The following FARS2 variants were observed in gnomAD, a reference collection of about 807,000 sequenced individuals.
FARS2 encodes phenylalanine--tRNA ligase, mitochondrial.
A neutral mutation model predicts 46.4 loss-of-function variants in FARS2; 40 were observed. That is an observed-to-expected ratio of 0.86 (90% CI 0.67 to 1.12). The LOEUF (loss-of-function observed/expected upper bound fraction) is 1.12, where lower values mean the gene tolerates loss of function less well. Among genes scored for constraint, FARS2 ranks in the 50% most tolerant of loss-of-function variants. The pLI, the probability that FARS2 is intolerant of heterozygous loss-of-function variation, is 0.00. For missense variants in FARS2, 513 were observed against 567.9 expected, an observed-to-expected ratio of 0.90 and a Z score of 0.98; for synonymous variants, 234 against 214.9, an observed-to-expected ratio of 1.09 and a Z score of -0.78.
At chr6:5,511,380 C>T (rs374592633) in intron 4 of FARS2, among the ~76,000 whole-genome samples, 2 of 152,158 alleles carry the variant, frequency 1.3e-5, no homozygotes, top group Admixed American at 1.3e-4. Flanking sequence ...TCATTATGTT[C>T]GTATTAATAC....
intron 6 of FARS2, among the ~76,000 whole-genome samples, chr6:5,723,446 G>A (rs1022533577): frequency 3.3e-5 from 5 of 152,146 alleles, no homozygotes; most frequent in Admixed American, 2.6e-4. Context: ...AGGCCTCAGT[G>A]TCTTCATCTT....
chr6:5,628,988 C>T (rs912863342), intron 6 of FARS2, among the ~76,000 whole-genome samples: 4 of 152,216 alleles, frequency 2.6e-5, no homozygotes, highest in African/African-American at 9.6e-5. Flanking sequence ...CTCTGGAGCA[C>T]CACAGGGTTG....
intron 6 of FARS2, among the ~76,000 whole-genome samples, chr6:5,632,031 T>C (rs1776314943): frequency 6.6e-6 from 1 of 152,330 alleles, no homozygotes; most frequent in East Asian, 1.9e-4. Flanking sequence ...AAATTAAAGT[T>C]AGATAAAACG....
chr6:5,272,405 C>T (rs565935129), intron 1 of FARS2: 19 of 152,020 alleles, frequency 1.2e-4, no homozygotes, highest in Middle Eastern at 3.4e-3. Context: ...CTATCTTATG[C>T]GGAAATGATA....
intron 1 of FARS2, among the ~76,000 whole-genome samples, chr6:5,279,610 A>G (rs1766588507): frequency 6.7e-6 from 1 of 150,288 alleles, no homozygotes; most frequent in African/African-American, 2.4e-5. Flanking sequence ...TAAAATAAGG[A>G]AGACGAGATC....
chr6:5,350,030 G>C (rs1338151318), intron 1 of FARS2, among the ~76,000 whole-genome samples: 1 of 151,960 alleles, frequency 6.6e-6, no homozygotes, highest in East Asian at 1.9e-4. Flanking sequence ...TTTCTCCATT[G>C]TACAGTTATT....
intron 2 of FARS2, among the ~76,000 whole-genome samples, chr6:5,399,482 CGTAGATAAA>C (rs1314720758): frequency 2.6e-5 from 4 of 151,902 alleles, no homozygotes; most frequent in Non-Finnish European, 5.9e-5. Flanking sequence ...TAATGTTTTG[CGTAGATAAA>C]GTATTAACGT....
At chr6:5,306,281 A>G (rs1215171463) in intron 1 of FARS2, among the ~76,000 whole-genome samples, 2 of 152,184 alleles carry the variant, frequency 1.3e-5, no homozygotes, top group Non-Finnish European at 2.9e-5. Context: ...TAAATGCATT[A>G]ATAGTGAGGG....
At chr6:5,719,340 C>G (rs1394998178) in intron 6 of FARS2, among the ~76,000 whole-genome samples, 1 of 141,308 alleles carries the variant, frequency 7.1e-6, no homozygotes, top group East Asian at 2.1e-4. Flanking sequence ...TGTGATCACA[C>G]CACTACACTG....
At chr6:5,701,885 A>G (rs1758461908) in intron 6 of FARS2, among the ~76,000 whole-genome samples, 2 of 152,228 alleles carry the variant, frequency 1.3e-5, no homozygotes, top group African/African-American at 4.8e-5. Context: ...TTCATTACTC[A>G]TTTTTATTAA....
chr6:5,432,326 A>T (rs1485747066), intron 4 of FARS2, among the ~76,000 whole-genome samples: 1 of 38,092 alleles, frequency 2.6e-5, no homozygotes, highest in South Asian at 7.1e-4. Flanking sequence ...AAAAAAAAAA[A>T]AATATATATA....
At chr6:5,510,556 C>A (rs1054183877) in intron 4 of FARS2, among the ~76,000 whole-genome samples, 1 of 152,220 alleles carries the variant, frequency 6.6e-6, no homozygotes, top group Admixed American at 6.5e-5. Flanking sequence ...GCACACGGTG[C>A]CTTTTGAGCG....
At chr6:5,633,514 C>A (rs369258542) in intron 6 of FARS2, among the ~76,000 whole-genome samples, 1 of 152,064 alleles carries the variant, frequency 6.6e-6, no homozygotes, top group East Asian at 1.9e-4. Flanking sequence ...GTGATGCACC[C>A]ACTTCAGCAT....
intron 6 of FARS2, among the ~76,000 whole-genome samples, chr6:5,753,704 G>A (rs545128572): frequency 6.6e-6 from 1 of 152,226 alleles, no homozygotes; most frequent in Non-Finnish European, 1.5e-5. Flanking sequence ...TTGCTGCAGA[G>A]AGTGATTTTT....
intron 1 of FARS2, among the ~76,000 whole-genome samples, chr6:5,263,379 G>T (rs539530490): frequency 6.6e-6 from 1 of 152,270 alleles, no homozygotes; most frequent in Admixed American, 6.5e-5. Flanking sequence ...TTAATTCTGA[G>T]CCAAGTCTTC....
chr6:5,659,949 G>A (rs986612956), intron 6 of FARS2, among the ~76,000 whole-genome samples: 3 of 152,184 alleles, frequency 2.0e-5, no homozygotes, highest in Non-Finnish European at 4.4e-5. Context: ...AGTAGGTTGG[G>A]AAACCCGCTT....
At chr6:5,580,723 C>T (rs756502319) in intron 5 of FARS2, among the ~76,000 whole-genome samples, 1 of 152,174 alleles carries the variant, frequency 6.6e-6, no homozygotes, top group Non-Finnish European at 1.5e-5. Context: ...ATGCTCTGGA[C>T]GCCGCCATTC....
At chr6:5,252,981 C>T in the FARS2 span, among the ~76,000 whole-genome samples, 2 of 152,164 alleles carry the variant, frequency 1.3e-5, no homozygotes, top group African/African-American at 4.8e-5. Flanking sequence ...CAAAAGCATT[C>T]CTAATTTTAA....
intron 5 of FARS2, among the ~76,000 whole-genome samples, chr6:5,565,976 TCTAATC>T (rs781305374): frequency 3.9e-5 from 6 of 152,240 alleles, no homozygotes; most frequent in Non-Finnish European, 8.8e-5. Context: ...GATTATTCCA[TCTAATC>T]CTAACCAATT....
Sources: allele counts gnomAD v4.1 joint callset (sites outside exome capture counted in the v4.1 genomes callset), GRCh38; gene constraint gnomAD v4.1.1; transcripts MANE v1.5; gene names NCBI Gene and HGNC (gene_info 2026-07-23, HGNC 2026-07-21).